Variants in TENM4 observed in about 807,000 individuals in gnomAD.
TENM4 encodes teneurin-4.
In TENM4, 82 loss-of-function variants were observed where a neutral mutation model predicts 243.3. The observed-to-expected ratio is 0.34, with a 90% CI of 0.28 to 0.40. TENM4 has a LOEUF of 0.40. Among genes scored for constraint, TENM4 ranks in the 10% least tolerant of loss-of-function variants. The pLI is 1.00. For synonymous variants in TENM4, 1,412 were observed against 1,456.3 expected (o/e 0.97, Z 0.69); for missense variants, 3,138 against 3,673.3 (o/e 0.85, Z 3.77).
intron 1 of TENM4, among the ~76,000 whole-genome samples, chr11:79,323,912 C>G (rs1856932601): frequency 6.6e-6 from 1 of 151,768 alleles, no homozygotes; most frequent in Non-Finnish European, 1.5e-5. Context: ...CATATATACA[C>G]TGACATACAT....
intron 1 of TENM4, among the ~76,000 whole-genome samples, chr11:79,410,394 C>G (rs1223028976): frequency 1.3e-5 from 2 of 152,208 alleles, no homozygotes; most frequent in Non-Finnish European, 2.9e-5. Flanking sequence ...CTTCTCAGTT[C>G]TCCACAAGGG....
intron 6 of TENM4, among the ~76,000 whole-genome samples, chr11:78,970,161 T>C (rs1857511538): frequency 6.6e-6 from 1 of 152,118 alleles, no homozygotes; most frequent in African/African-American, 2.4e-5. Flanking sequence ...TCTAATGCAG[T>C]GGTATCATGC....
At chr11:79,210,034 T>C (rs1590796649) in intron 3 of TENM4, among the ~76,000 whole-genome samples, 1 of 152,242 alleles carries the variant, frequency 6.6e-6, no homozygotes, top group East Asian at 1.9e-4. Flanking sequence ...TATTTATCCT[T>C]ACTTAACAGA....
chr11:79,285,119 T>G (rs1856226896), intron 2 of TENM4, among the ~76,000 whole-genome samples: 1 of 152,114 alleles, frequency 6.6e-6, no homozygotes, highest in Admixed American at 6.6e-5. Context: ...GCATCTGTAG[T>G]CCCAGCTACT....
At chr11:79,199,750 A>AG (rs747015859) in intron 3 of TENM4, among the ~76,000 whole-genome samples, 9 of 152,028 alleles carry the variant, frequency 5.9e-5, no homozygotes, top group Non-Finnish European at 1.0e-4. Context: ...CATCTCTAAA[A>AG]TTTTTCAGGA....
In TENM4 at chr11:79,273,631, G is replaced by T. The variant is rs570223763; in HGVS notation, c.-265+23857C>A. Among the ~76,000 whole-genome samples the T allele has an allele frequency of 3.3e-5, 5 of 152,280 alleles. No individual in the cohort carries two copies. In the East Asian group the frequency reaches 9.7e-4, roughly 29 times the overall value. ...AGGTTAAGTTGTGTAGCTAGTACAC[G>T]GTGGAGCCGGGCCTGGAACCAGGGC... On this transcript the variant is annotated intron_variant, in intron 2 of 33. Coordinates refer to ENST00000278550, the MANE Select transcript of TENM4 (RefSeq NM_001098816.3).
At chr11:78,882,868 AT>A (rs879260814) in intron 9 of TENM4, among the ~76,000 whole-genome samples, 44 of 150,324 alleles carry the variant, frequency 2.9e-4, no homozygotes, top group African/African-American at 7.0e-4. Flanking sequence ...AAGGGTTCTG[AT>A]TTTTTTTTTG....
intron 1 of TENM4, among the ~76,000 whole-genome samples, chr11:79,416,101 AT>A (rs1858807113): frequency 6.6e-6 from 1 of 152,178 alleles, no homozygotes; most frequent in Non-Finnish European, 1.5e-5. Flanking sequence ...TTAACATTCC[AT>A]TTTATGGATA....
chr11:79,350,009 A>G (rs550675244), intron 1 of TENM4, among the ~76,000 whole-genome samples: 73 of 152,258 alleles, frequency 4.8e-4, no homozygotes, highest in African/African-American at 1.6e-3. Flanking sequence ...TTGCCCACCT[A>G]CTATCGCTTA....
intron 12 of TENM4, among the ~76,000 whole-genome samples, chr11:78,820,929 T>C (rs889274968): frequency 1.3e-5 from 2 of 152,240 alleles, no homozygotes; most frequent in Non-Finnish European, 2.9e-5. Flanking sequence ...AGGTGCCAGG[T>C]GCTGGAAAGC....
intron 1 of TENM4, among the ~76,000 whole-genome samples, chr11:79,398,028 T>C (rs1295590812): frequency 6.6e-6 from 1 of 152,220 alleles, no homozygotes; most frequent in Non-Finnish European, 1.5e-5. Flanking sequence ...AGAAAGATTA[T>C]TTTTTAAATG....
chr11:79,287,603 C>T (rs992752823), intron 2 of TENM4, among the ~76,000 whole-genome samples: 2 of 152,092 alleles, frequency 1.3e-5, no homozygotes, highest in African/African-American at 2.4e-5. Flanking sequence ...CCTGGTTCCC[C>T]AACAAGTAGG....
At chr11:79,150,639 C>T (rs965813043) in intron 3 of TENM4, among the ~76,000 whole-genome samples, 26 of 152,152 alleles carry the variant, frequency 1.7e-4, no homozygotes, top group Admixed American at 3.3e-4. Context: ...TCTTCTCAAT[C>T]TGCAGTGGCC....
At chr11:78,721,843 G>A (rs1309686550) in intron 24 of TENM4, among the ~76,000 whole-genome samples, 2 of 152,100 alleles carry the variant, frequency 1.3e-5, no homozygotes, top group Non-Finnish European at 2.9e-5. Context: ...GGGAGTGTGA[G>A]GCTCCCTTAT....
At position 78,805,338 on chromosome 11, in the gene TENM4, C is replaced by G. The variant is rs755478431; in HGVS notation, c.2133G>C (p.Gly711=). 7.1e-7 allele frequency: 1 copy of G among 1,406,296 alleles called. No homozygotes were observed. Among genetic ancestry groups the G allele is most frequent in the East Asian group, 2.5e-5 (1 of 39,552 alleles). 87.1% of individuals were successfully genotyped at this position (1,406,296 alleles called of 1,614,324 possible). A position where few individuals can be genotyped will look rare whatever the true frequency, so the allele number is the denominator to read the frequency against. Residue 711 remains glycine (G), a synonymous_variant, in exon 15 of 34, where the codon GGG becomes GGC. Transcript: ENST00000278550. ...TCCAGCTTGGGTCACAGCTGCAAAG[C>G]CCGGTGTCCGGGAGGAAGGTTCCGT... The part of the protein sequence containing the change: ...SGHGTFLPDT[G]LCSCDPSWTG...
chr11:79,405,707 T>C (rs1045710512), intron 1 of TENM4, among the ~76,000 whole-genome samples: 2 of 152,064 alleles, frequency 1.3e-5, no homozygotes, highest in African/African-American at 2.4e-5. Context: ...TGAATAGATA[T>C]ACAATATTTT....
chr11:79,204,913 A>G (rs984543447), intron 3 of TENM4, among the ~76,000 whole-genome samples: 1 of 152,232 alleles, frequency 6.6e-6, no homozygotes, highest in African/African-American at 2.4e-5. Context: ...GTAAGTTCCA[A>G]CAAAACCCAA....
chr11:78,915,040 A>G (rs1184441604), intron 6 of TENM4, among the ~76,000 whole-genome samples: 1 of 152,166 alleles, frequency 6.6e-6, no homozygotes, highest in Non-Finnish European at 1.5e-5. Flanking sequence ...ACCCCCCACC[A>G]TCCGGCATGA....
chr11:79,278,995 C>T (rs1294646684), intron 2 of TENM4, among the ~76,000 whole-genome samples: 4 of 152,200 alleles, frequency 2.6e-5, no homozygotes, highest in African/African-American at 9.7e-5. Context: ...CCAACATGCA[C>T]CTCTGAGCCC....
Sources: gnomAD v4.1 joint callset for allele counts (sites outside exome capture counted in the v4.1 genomes callset) on GRCh38, gnomAD v4.1.1 for gene constraint, MANE v1.5 for transcripts, NCBI Gene and HGNC (gene_info 2026-07-23, HGNC 2026-07-21) for gene names.